TMTC2: variants seen among roughly 807,000 people sequenced by gnomAD.
The protein encoded by TMTC2 is transmembrane O-mannosyltransferase targeting cadherins 2.
Under a neutral mutation model 82.4 loss-of-function variants are expected in TMTC2, and 43 were observed. The observed-to-expected ratio is 0.52, with a 90% confidence interval of 0.41 to 0.67. The LOEUF is 0.67. Ranked by LOEUF, TMTC2 falls within the 30% of genes least tolerant of loss-of-function variation. The pLI, the probability that TMTC2 is intolerant of heterozygous loss-of-function variation, is 0.00. For missense variants in TMTC2, 919 were observed against 1,012.4 expected (o/e 0.91, Z 1.25); for synonymous variants, 408 against 381.9 (o/e 1.07, Z -0.80).
At chr12:82,878,255 C>A (rs545884995) in intron 2 of TMTC2, among the ~76,000 whole-genome samples, 1 of 152,262 alleles carries the variant, frequency 6.6e-6, no homozygotes, top group East Asian at 1.9e-4. Context: ...CTTGTGGGAG[C>A]AGTGAAACTC....
intron 1 of TMTC2, among the ~76,000 whole-genome samples, chr12:82,776,915 G>A (rs528308868): frequency 6.6e-6 from 1 of 152,252 alleles, no homozygotes; most frequent in South Asian, 2.1e-4. Flanking sequence ...TCCAACCTGG[G>A]TGACACAGAC....
intron 1 of TMTC2, among the ~76,000 whole-genome samples, chr12:82,797,481 C>T (rs781517478): frequency 1.3e-4 from 20 of 152,100 alleles, no homozygotes; most frequent in East Asian, 1.9e-4. Context: ...ACCTCTGGTA[C>T]GGTCTCCTGA....
At chr12:82,858,842 T>A (rs1871388716) in intron 2 of TMTC2, among the ~76,000 whole-genome samples, 1 of 152,324 alleles carries the variant, frequency 6.6e-6, no homozygotes, top group Admixed American at 6.5e-5. Flanking sequence ...AGTCAAGCTC[T>A]TAATTTCAAA....
At chr12:83,030,721 C>T in intron 8 of TMTC2, 77 bp from the exon 9 acceptor site, 1 of 1,133,952 alleles carries the variant, frequency 8.8e-7, no homozygotes, top group South Asian at 1.4e-5. Flanking sequence ...AGACATTTGG[C>T]TACTTCAGTT....
chr12:83,010,625 C>G (rs1209445418), intron 8 of TMTC2, among the ~76,000 whole-genome samples: 1 of 152,120 alleles, frequency 6.6e-6, no homozygotes, highest in Non-Finnish European at 1.5e-5. Flanking sequence ...GTCATTGTCT[C>G]AGTAATTGGC....
chr12:82,741,460 G>A (rs778279732), intron 1 of TMTC2, among the ~76,000 whole-genome samples: 9 of 152,048 alleles, frequency 5.9e-5, no homozygotes, highest in Non-Finnish European at 1.3e-4. Context: ...ACAGGCACGC[G>A]CCACCACGCC....
At chr12:82,832,580 C>CA (rs973269924) in intron 1 of TMTC2, among the ~76,000 whole-genome samples, 11 of 152,044 alleles carry the variant, frequency 7.2e-5, no homozygotes, top group South Asian at 4.2e-4. Context: ...TTCCATAATT[C>CA]AAAAAAATTT....
intron 8 of TMTC2, among the ~76,000 whole-genome samples, chr12:83,023,207 T>C (rs1170930268): frequency 1.3e-5 from 2 of 152,214 alleles, no homozygotes; most frequent in Non-Finnish European, 2.9e-5. Context: ...TCTCTCTTTA[T>C]TTGGGAAATT....
rs200273951 is a variant in TMTC2 at position 83,089,847 on chromosome 12, CAA to C, written c.2331+28028_2331+28029del. The stretch of plus-strand genomic sequence containing the variant: ...AGCAAAAAAAACAAAAAACAAAAAA[CAA>C]AAAAAAAAAAACTATTTTAATCTCA... On this transcript the variant is annotated intron_variant, in intron 11 of 11. Transcript: ENST00000321196. Among the ~76,000 whole-genome samples, 321 of 135,774 alleles carry C rather than the reference CAA, an allele frequency of 2.4e-3. 3 individuals are homozygous for C. Among genetic ancestry groups the C allele is most frequent in the African/African-American group, 8.8e-3 (309 of 35,140 alleles). The allele number at this position is 135,774 out of a possible 152,430, so 89.1% of individuals were successfully genotyped here.
intron 1 of TMTC2, among the ~76,000 whole-genome samples, chr12:82,805,497 C>CTTTTT (rs753878105): frequency 8.8e-5 from 8 of 90,580 alleles, no homozygotes; most frequent in Non-Finnish European, 1.2e-4. Flanking sequence ...CCTCTCCCCA[C>CTTTTT]TTTTTTTTTT....
chr12:83,130,107 C>A (rs1294351613), intron 11 of TMTC2, among the ~76,000 whole-genome samples: 1 of 152,200 alleles, frequency 6.6e-6, no homozygotes, highest in African/African-American at 2.4e-5. Flanking sequence ...AACAGTGGTT[C>A]TCCCTCCCTA....
intron 8 of TMTC2, among the ~76,000 whole-genome samples, chr12:82,992,101 C>A (rs1879426154): frequency 6.6e-6 from 1 of 152,146 alleles, no homozygotes. Context: ...TGTGTCTAGC[C>A]AAAGTTAATT....
At chr12:82,735,856 G>A (rs1168575202) in intron 1 of TMTC2, among the ~76,000 whole-genome samples, 1 of 151,900 alleles carries the variant, frequency 6.6e-6, no homozygotes, top group African/African-American at 2.4e-5. Flanking sequence ...CGTGGTGGTA[G>A]GCACTACTTG....
chr12:82,762,107 C>T (rs1448447932), intron 1 of TMTC2, among the ~76,000 whole-genome samples: 1 of 151,784 alleles, frequency 6.6e-6, no homozygotes, highest in Non-Finnish European at 1.5e-5. Flanking sequence ...ACTGGAATTA[C>T]AGGCACATGC....
intron 1 of TMTC2, among the ~76,000 whole-genome samples, chr12:82,772,205 T>C (rs1216674647): frequency 6.6e-6 from 1 of 152,238 alleles, no homozygotes; most frequent in Non-Finnish European, 1.5e-5. Context: ...CAGACAGTTA[T>C]CTTGGCTAGA....
intron 1 of TMTC2, among the ~76,000 whole-genome samples, chr12:82,756,058 T>C (rs1014321512): frequency 6.6e-6 from 1 of 152,196 alleles, no homozygotes; most frequent in Non-Finnish European, 1.5e-5. Context: ...TTTTGTTAAA[T>C]AATTTGTAGT....
intron 1 of TMTC2, among the ~76,000 whole-genome samples, chr12:82,733,695 G>A (rs544987889): frequency 6.6e-6 from 1 of 152,344 alleles, no homozygotes; most frequent in South Asian, 2.1e-4. Context: ...CAGGACAATT[G>A]GAGTGAAGAG....
At chr12:82,721,916 G>A (rs532048724) in intron 1 of TMTC2, among the ~76,000 whole-genome samples, 3 of 152,294 alleles carry the variant, frequency 2.0e-5, no homozygotes, top group Middle Eastern at 3.4e-3. Flanking sequence ...AAGAAATTGA[G>A]ATCCTGAGAT....
intron 4 of TMTC2, among the ~76,000 whole-genome samples, chr12:82,948,735 A>C (rs752729900): frequency 8.5e-5 from 13 of 152,228 alleles, no homozygotes; most frequent in Admixed American, 2.0e-4. Flanking sequence ...CTGTGTGCCC[A>C]TGGGGTCATC....
Sources: gnomAD v4.1 joint callset for allele counts (sites outside exome capture counted in the v4.1 genomes callset) on GRCh38, gnomAD v4.1.1 for gene constraint, MANE v1.5 for transcripts, NCBI Gene and HGNC (gene_info 2026-07-23, HGNC 2026-07-21) for gene names.